The following PPARGC1A variants were observed in gnomAD, a reference collection of about 807,000 sequenced individuals.
The protein encoded by PPARGC1A is peroxisome proliferator-activated receptor gamma coactivator 1-alpha.
Under a neutral mutation model 88.7 loss-of-function variants are expected in PPARGC1A, and 25 were observed. That is an observed-to-expected ratio of 0.28 (90% confidence interval 0.21 to 0.39). The LOEUF (loss-of-function observed/expected upper bound fraction) is 0.39, where lower values mean the gene tolerates loss of function less well. Among genes scored for constraint, PPARGC1A ranks in the 10% least tolerant of loss-of-function variants. PPARGC1A has a pLI of 1.00. For synonymous variants in PPARGC1A, 363 were observed against 355.6 expected, an observed-to-expected ratio of 1.02 and a Z score of -0.24; for missense variants, 880 against 968.7, an observed-to-expected ratio of 0.91 and a Z score of 1.22.
At chr4:24,045,047 G>A in the PPARGC1A span, among the ~76,000 whole-genome samples, 1 of 152,066 alleles carries the variant, frequency 6.6e-6, no homozygotes, top group African/African-American at 2.4e-5. Context: ...TTCCCTGGGT[G>A]GTACATGATG....
chr4:23,795,744 TG>T lies in PPARGC1A; in HGVS notation c.*77del, dbSNP rs1717469487. 9.0e-7 allele frequency: 1 copy of T among 1,116,040 alleles called. No homozygotes were observed. The highest frequency in any genetic ancestry group is 1.3e-6 in the Non-Finnish European group (1 of 774,470). The allele number at this position is 1,116,040 out of a possible 1,614,324, so 69.1% of individuals were successfully genotyped here. On this transcript the variant is annotated 3_prime_UTR_variant, in exon 13 of 13. Coordinates refer to ENST00000264867, the MANE Select transcript of PPARGC1A (RefSeq NM_013261.5). ...GTAGGAGAAATTCCTAAGTATGACT[TG>T]CAATAGTCTTTAGGGAAGGACGCGC... is the stretch of plus-strand genomic sequence containing the variant.
At chr4:23,901,511 T>A (rs1311573422), upstream of PPARGC1A, among the ~76,000 whole-genome samples, 4 of 146,442 alleles carry the variant, frequency 2.7e-5, no homozygotes, top group African/African-American at 1.0e-4. Flanking sequence ...GCCACTGCAC[T>A]CCAGCCTGGG....
At chr4:24,225,110 G>T in the PPARGC1A span, among the ~76,000 whole-genome samples, 2 of 152,136 alleles carry the variant, frequency 1.3e-5, no homozygotes, top group Non-Finnish European at 2.9e-5. Flanking sequence ...GCCCCTGAAG[G>T]GTCTTGAGCT....
chr4:24,228,992 G>C, the PPARGC1A span, among the ~76,000 whole-genome samples: 9 of 152,112 alleles, frequency 5.9e-5, no homozygotes, highest in South Asian at 1.9e-3. Flanking sequence ...AACACCCCAA[G>C]TGACTGCCAT....
the PPARGC1A span, among the ~76,000 whole-genome samples, chr4:24,443,955 C>A: frequency 7.9e-5 from 12 of 152,056 alleles, no homozygotes; most frequent in African/African-American, 2.9e-4. Flanking sequence ...CTTGCCCAAG[C>A]AAAAAACAAA....
upstream of PPARGC1A, among the ~76,000 whole-genome samples, chr4:23,907,920 G>T (rs1264671895): frequency 6.6e-6 from 1 of 152,146 alleles, no homozygotes; most frequent in Non-Finnish European, 1.5e-5. Context: ...CCTCTCTGTG[G>T]GTGCCTTGCG....
At chr4:24,270,181 C>T in the PPARGC1A span, among the ~76,000 whole-genome samples, 1 of 152,080 alleles carries the variant, frequency 6.6e-6, no homozygotes, top group South Asian at 2.1e-4. Context: ...TATCTTGATC[C>T]CTCTGCGTTG....
At chr4:24,306,978 A>G in the PPARGC1A span, among the ~76,000 whole-genome samples, 3 of 152,238 alleles carry the variant, frequency 2.0e-5, no homozygotes, top group South Asian at 2.1e-4. Flanking sequence ...CATTATTACT[A>G]TTCAATAACT....
At chr4:24,028,428 C>A in the PPARGC1A span, among the ~76,000 whole-genome samples, 3 of 152,140 alleles carry the variant, frequency 2.0e-5, no homozygotes, top group African/African-American at 7.2e-5. Flanking sequence ...ATTTGTTGAG[C>A]ACCTATGCCA....
chr4:24,219,314 G>C, the PPARGC1A span, among the ~76,000 whole-genome samples: 6 of 152,208 alleles, frequency 3.9e-5, no homozygotes, highest in African/African-American at 1.4e-4. Context: ...AACTGTCCCT[G>C]AATCTCTCTC....
At chr4:24,216,339 G>C in the PPARGC1A span, among the ~76,000 whole-genome samples, 1 of 151,780 alleles carries the variant, frequency 6.6e-6, no homozygotes, top group Non-Finnish European at 1.5e-5. Flanking sequence ...ATAGAGACAG[G>C]GTTTCACCAT....
At chr4:23,889,289 C>T in intron 1 of PPARGC1A, 1 of 985,318 alleles carries the variant, frequency 1.0e-6, no homozygotes, top group South Asian at 4.7e-5. Context: ...CACTGCCAGG[C>T]GTTTCTTTTT....
At chr4:23,866,223 A>G (rs936008107) in intron 2 of PPARGC1A, 6 of 126,598 alleles carry the variant, frequency 4.7e-5, no homozygotes, top group Admixed American at 3.3e-4. Flanking sequence ...TTCATTTGCT[A>G]TGGTACAGCT....
At chr4:24,020,815 C>G in the PPARGC1A span, among the ~76,000 whole-genome samples, 251 of 152,310 alleles carry the variant, frequency 1.6e-3, no homozygotes, top group African/African-American at 5.5e-3. Flanking sequence ...ATGCATTTTT[C>G]TCCCCACGGT....
the PPARGC1A span, among the ~76,000 whole-genome samples, chr4:24,047,034 G>A: frequency 6.6e-6 from 1 of 152,136 alleles, no homozygotes; most frequent in African/African-American, 2.4e-5. Context: ...CACTCTGACT[G>A]ACAAACCATT....
At chr4:24,066,194 G>A in the PPARGC1A span, among the ~76,000 whole-genome samples, 5 of 151,982 alleles carry the variant, frequency 3.3e-5, no homozygotes, top group Non-Finnish European at 5.9e-5. Flanking sequence ...GACGACTGTC[G>A]CTGTGCCCTG....
the PPARGC1A span, among the ~76,000 whole-genome samples, chr4:23,937,192 C>A: frequency 6.6e-6 from 1 of 151,634 alleles, no homozygotes; most frequent in African/African-American, 2.4e-5. Flanking sequence ...CCCTAGGTAG[C>A]TTCTCCTGAT....
chr4:23,824,442 G>A, intron 6 of PPARGC1A, 21 bp downstream of exon 6: 1 of 1,608,000 alleles, frequency 6.2e-7, no homozygotes, highest in Non-Finnish European at 8.5e-7. Context: ...TCAGAAAATG[G>A]TTACATTTCT....
the PPARGC1A span, among the ~76,000 whole-genome samples, chr4:23,917,737 AT>A: frequency 6.6e-6 from 1 of 152,308 alleles, no homozygotes; most frequent in East Asian, 1.9e-4. Context: ...GATCTTATGT[AT>A]TTTACAATCT....
Sources: allele counts gnomAD v4.1 joint callset (sites outside exome capture counted in the v4.1 genomes callset), GRCh38; gene constraint gnomAD v4.1.1; transcripts MANE v1.5; gene names NCBI Gene and HGNC (gene_info 2026-07-23, HGNC 2026-07-21).